The following AFG1L variants were observed in gnomAD, a reference collection of about 807,000 sequenced individuals.
The protein encoded by AFG1L is AFG1 like ATPase.
Under a neutral mutation model 62.2 loss-of-function variants are expected in AFG1L, and 53 were observed. The ratio of observed to expected loss-of-function variants is 0.85; its 90% CI spans 0.68 to 1.07. The LOEUF (loss-of-function observed/expected upper bound fraction) is 1.07, where lower values mean the gene tolerates loss of function less well. Among genes scored for constraint, AFG1L ranks in the 50% least tolerant of loss-of-function variants. The probability of loss-of-function intolerance (pLI) is 0.00; values close to 1 mark genes in which losing one functional copy is unlikely to be tolerated. For synonymous variants in AFG1L, 228 were observed against 210.3 expected (o/e 1.08, Z -0.73); for missense variants, 555 against 590.5 (o/e 0.94, Z 0.62).
intron 8 of AFG1L, among the ~76,000 whole-genome samples, chr6:108,474,030 C>T (rs1262092630): frequency 1.3e-5 from 2 of 152,138 alleles, no homozygotes; most frequent in Admixed American, 6.6e-5. Flanking sequence ...GCTCTTCCTC[C>T]CTCTCCCCCC....
chr6:108,350,835 C>T (rs1257700688), intron 3 of AFG1L, among the ~76,000 whole-genome samples: 1 of 152,160 alleles, frequency 6.6e-6, no homozygotes, highest in Non-Finnish European at 1.5e-5. Context: ...ATTCTAGTTT[C>T]ACCAGGTGAA....
At chr6:108,434,705 T>G (rs1417595690) in intron 7 of AFG1L, among the ~76,000 whole-genome samples, 1 of 152,210 alleles carries the variant, frequency 6.6e-6, no homozygotes, top group East Asian at 1.9e-4. Context: ...CTTAGGATAT[T>G]TAACTTGCAA....
Position 108,513,325 on chromosome 6 carries a change from C to G in AFG1L, c.1203+2973C>G, listed in dbSNP as rs575234168. Among the ~76,000 whole-genome samples, 61 of 152,294 alleles carry G rather than the reference C, an allele frequency of 4.0e-4. No homozygotes were observed. In the South Asian group the frequency reaches 0.012, roughly 29 times the overall value. On this transcript the variant is annotated intron_variant, in intron 11 of 12. Coordinates refer to ENST00000368977, the MANE Select transcript of AFG1L (RefSeq NM_145315.5). Reference sequence around the variant, plus strand: ...TGAAGCAGGGCGAGGCATCGCCTCACCCGGGAAGCACAAGGCATCAGGGAA... The same window carrying G: ...TGAAGCAGGGCGAGGCATCGCCTCAGCCGGGAAGCACAAGGCATCAGGGAA...
chr6:108,477,639 A>G (rs1773164207), intron 10 of AFG1L, among the ~76,000 whole-genome samples: 1 of 152,200 alleles, frequency 6.6e-6, no homozygotes, highest in South Asian at 2.1e-4. Context: ...AGGAAGATGA[A>G]ATAATGCTAT....
chr6:108,371,423 A>T (rs557434696), intron 6 of AFG1L, among the ~76,000 whole-genome samples: 93 of 152,282 alleles, frequency 6.1e-4, no homozygotes, highest in African/African-American at 2.2e-3. Flanking sequence ...TAAAAAATTT[A>T]AAATGAGTTG....
At chr6:108,377,730 T>C (rs1320061687) in intron 6 of AFG1L, among the ~76,000 whole-genome samples, 1 of 152,088 alleles carries the variant, frequency 6.6e-6, no homozygotes, top group Non-Finnish European at 1.5e-5. Context: ...GTCTTGGTGA[T>C]GTTCATTTTG....
chr6:108,401,921 A>G (rs1781637662), intron 6 of AFG1L, 75 bp from the exon 7 acceptor site: 1 of 687,058 alleles, frequency 1.5e-6, no homozygotes, highest in Non-Finnish European at 2.5e-6. Flanking sequence ...AGAAAGCTTT[A>G]TTTGCCAGGC....
Position 108,366,823 on chromosome 6 carries a change from A to G in AFG1L, c.748+491A>G, listed in dbSNP as rs1266119606. ...AAATTAAAATACAAGTAATATTTAG[A>G]TTAAAAACAACAACTTTAAAATCTT... On this transcript the variant is annotated intron_variant, in intron 6 of 12. Coordinates refer to ENST00000368977, the MANE Select transcript of AFG1L (RefSeq NM_145315.5). 1.2e-4 allele frequency among the ~76,000 whole-genome samples: 18 copies of G among 152,340 alleles called. 1 individual carries two copies. In the East Asian group the frequency reaches 3.3e-3, roughly 28 times the overall value.
At chr6:108,445,292 A>G (rs374277911) in intron 7 of AFG1L, among the ~76,000 whole-genome samples, 1 of 152,100 alleles carries the variant, frequency 6.6e-6, no homozygotes, top group Admixed American at 6.5e-5. Context: ...GGCTGTTTTG[A>G]TCTTCTATCC....
intron 2 of AFG1L, chr6:108,344,725 C>T: frequency 2.1e-6 from 1 of 470,824 alleles, no homozygotes; most frequent in Admixed American, 2.3e-5. Flanking sequence ...TCTGTTTTAC[C>T]CTCCCTTTCT....
intron 8 of AFG1L, among the ~76,000 whole-genome samples, chr6:108,469,029 T>G (rs1442063324): frequency 6.6e-6 from 1 of 152,188 alleles, no homozygotes. Context: ...TTATTTTGGG[T>G]CTTTGTCTTT....
chr6:108,318,182 T>C (rs1028876252), intron 1 of AFG1L: 1 of 257,404 alleles, frequency 3.9e-6, no homozygotes, highest in Non-Finnish European at 7.6e-6. Context: ...AAGGATTCTC[T>C]GTGTGCCCAA....
At chr6:108,393,156 C>T (rs1781132194) in intron 6 of AFG1L, among the ~76,000 whole-genome samples, 1 of 151,846 alleles carries the variant, frequency 6.6e-6, no homozygotes, top group Non-Finnish European at 1.5e-5. Context: ...GTCAAGAACT[C>T]CTGAATTTTA....
intron 2 of AFG1L, among the ~76,000 whole-genome samples, chr6:108,344,182 G>A (rs12528977): frequency 6.6e-6 from 1 of 151,532 alleles, no homozygotes; most frequent in African/African-American, 2.4e-5. Flanking sequence ...GTGTGATCTC[G>A]GCTCACTGCA....
chr6:108,508,649 C>T (rs1264422512), intron 10 of AFG1L, among the ~76,000 whole-genome samples: 2 of 152,172 alleles, frequency 1.3e-5, no homozygotes, highest in Non-Finnish European at 2.9e-5. Context: ...TCTCCAGAAC[C>T]TAACTCTCTG....
rs1249516960 is a variant in AFG1L, at chr6:108,524,855, A to G, written c.*2430A>G. 1 of 152,232 alleles carries G rather than the reference A, an allele frequency of 6.6e-6. No homozygotes were observed. Among genetic ancestry groups the G allele is most frequent in the Non-Finnish European group, 1.5e-5 (1 of 68,054 alleles). The allele number at this position is 152,232 out of a possible 1,614,324, so 9.4% of individuals were successfully genotyped here. A position where few individuals can be genotyped will look rare whatever the true frequency, so the allele number is the denominator to read the frequency against. On this transcript the variant is annotated 3_prime_UTR_variant, in exon 13 of 13. Transcript: ENST00000368977. ...AAAACCCAAGTCTTCAAGAATAGCC[A>G]TCACTAGGAAACAGTATGGTAGCTC...
At chr6:108,511,089 CA>C (rs532017667) in intron 11 of AFG1L, among the ~76,000 whole-genome samples, 4,126 of 73,972 alleles carry the variant, frequency 0.056, 75 homozygotes, top group Middle Eastern at 0.2. Flanking sequence ...CCCTATCTCT[CA>C]AAAAAAAAAA....
intron 7 of AFG1L, among the ~76,000 whole-genome samples, chr6:108,406,488 A>T (rs1582534609): frequency 6.6e-6 from 1 of 152,102 alleles, no homozygotes; most frequent in Non-Finnish European, 1.5e-5. Flanking sequence ...CACAGGCTGG[A>T]GTGCGGTGGC....
rs377180262 is a variant in AFG1L at position 108,323,832 on chromosome 6, G to T, written c.147G>T (p.Thr49=). The change falls in exon 2 of 13, where the codon ACG becomes ACT. Residue 49 remains threonine (T), a synonymous_variant. Transcript: ENST00000368977. ...TTATGTTTTTGTTTATAGCCTATAC[G>T]GTTCAGACATCCGAGAGCATGACCC... is the stretch of plus-strand genomic sequence containing the variant. The part of the protein sequence containing the change: ...APGKPFWKAY[T]VQTSESMTPT... 1 of 1,612,918 alleles carries T rather than the reference G, an allele frequency of 6.2e-7. No individual in the cohort carries two copies. The highest frequency in any genetic ancestry group is 1.3e-5 in the African/African-American group (1 of 74,824).
Sources: allele counts gnomAD v4.1 joint callset (sites outside exome capture counted in the v4.1 genomes callset), GRCh38; gene constraint gnomAD v4.1.1; transcripts MANE v1.5; gene names NCBI Gene and HGNC (gene_info 2026-07-23, HGNC 2026-07-21).